The following PAH variants were observed in gnomAD, a reference collection of about 807,000 sequenced individuals.
The protein encoded by PAH is phenylalanine-4-hydroxylase.
PAH carries 64 observed loss-of-function variants against 62.0 expected under a neutral mutation model. That is an observed-to-expected ratio of 1.03 (90% CI 0.84 to 1.27). The LOEUF is 1.27. Among genes scored for constraint, PAH ranks in the 50% most tolerant of loss-of-function variants. The probability of loss-of-function intolerance (pLI) is 0.00; values close to 1 mark genes in which losing one functional copy is unlikely to be tolerated. For synonymous variants in PAH, 195 were observed against 196.2 expected, an observed-to-expected ratio of 0.99 and a Z score of 0.05; for missense variants, 579 against 542.8, an observed-to-expected ratio of 1.07 and a Z score of -0.66.
At chr12:102,915,742 A>G (rs940233592) in intron 1 of PAH, among the ~76,000 whole-genome samples, 1 of 152,220 alleles carries the variant, frequency 6.6e-6, no homozygotes, top group Non-Finnish European at 1.5e-5. Flanking sequence ...AAGTTGTCTT[A>G]GAATCTGCCA....
At chr12:102,958,113 G>T (rs899869094) in intron 1 of PAH, 17 of 608,814 alleles carry the variant, frequency 2.8e-5, no homozygotes, top group Middle Eastern at 4.8e-4. Flanking sequence ...TTCCGTCAGG[G>T]CTCCCGCTTC....
intron 1 of PAH, among the ~76,000 whole-genome samples, chr12:102,922,345 C>T (rs2136740091): frequency 6.6e-6 from 1 of 152,172 alleles, no homozygotes; most frequent in Non-Finnish European, 1.5e-5. Context: ...AGGTGCGCAC[C>T]ACCATGCCCA....
chr12:102,956,303 T>G (rs1399474681), intron 1 of PAH, among the ~76,000 whole-genome samples: 2 of 152,244 alleles, frequency 1.3e-5, no homozygotes, highest in Non-Finnish European at 2.9e-5. Context: ...TTGCTTGGTC[T>G]GCTTTCTCCG....
chr12:102,938,625 G>C (rs1593001067), intron 1 of PAH, among the ~76,000 whole-genome samples: 1 of 152,244 alleles, frequency 6.6e-6, no homozygotes, highest in Non-Finnish European at 1.5e-5. Context: ...GCCAGTAGCA[G>C]CTCTGCATTT....
chr12:102,917,485 G>A (rs1359948499), upstream of PAH: 11 of 355,572 alleles, frequency 3.1e-5, no homozygotes, highest in East Asian at 6.7e-4. Flanking sequence ...GATTAGACAG[G>A]TTTAGGCACT....
chr12:102,947,288 G>A (rs1879538668), intron 1 of PAH, among the ~76,000 whole-genome samples: 1 of 152,078 alleles, frequency 6.6e-6, no homozygotes, highest in Non-Finnish European at 1.5e-5. Flanking sequence ...CAGGATTTTG[G>A]TTTGACTGTG....
At chr12:102,844,307 TC>T in intron 10 of PAH, 28 bp downstream of exon 10, 1 of 1,466,260 alleles carries the variant, frequency 6.8e-7, no homozygotes, top group Non-Finnish European at 9.6e-7. Context: ...CACTTTTAAA[TC>T]TATCCTTGGT....
chr12:102,938,539 C>G (rs1879181353), intron 1 of PAH, among the ~76,000 whole-genome samples: 1 of 152,194 alleles, frequency 6.6e-6, no homozygotes, highest in African/African-American at 2.4e-5. Flanking sequence ...AGCCTCACCT[C>G]TGCTTCATAT....
chr12:102,860,351 A>C (rs1015052749), intron 5 of PAH, among the ~76,000 whole-genome samples: 25 of 152,376 alleles, frequency 1.6e-4, no homozygotes, highest in Non-Finnish European at 4.4e-5. Flanking sequence ...AGACAAATGG[A>C]AGAACATTCC....
At chr12:102,921,636 T>C (rs189845829), upstream of PAH, among the ~76,000 whole-genome samples, 131 of 152,336 alleles carry the variant, frequency 8.6e-4, no homozygotes, top group Admixed American at 8.0e-3. Context: ...CTCTCTAGCA[T>C]CTAGATCTAT....
chr12:102,855,662 G>A (rs759493935), intron 5 of PAH, among the ~76,000 whole-genome samples: 12 of 152,100 alleles, frequency 7.9e-5, no homozygotes, highest in Non-Finnish European at 1.5e-4. Flanking sequence ...ACCTGCACGG[G>A]CCAGTCAGGT....
At chr12:102,884,770 A>AT (rs985438719) in intron 3 of PAH, among the ~76,000 whole-genome samples, 2 of 152,020 alleles carry the variant, frequency 1.3e-5, no homozygotes, top group African/African-American at 2.4e-5. Flanking sequence ...GGCTCTTCTG[A>AT]TTTTTCCCAG....
chr12:102,904,597 A>C (rs2136715757), intron 2 of PAH: 1 of 238,732 alleles, frequency 4.2e-6, no homozygotes, highest in African/African-American at 2.3e-5. Flanking sequence ...CTACTATCAT[A>C]CAGATTTTGA....
intron 3 of PAH, among the ~76,000 whole-genome samples, chr12:102,887,794 A>G (rs1376577224): frequency 6.6e-6 from 1 of 152,188 alleles, no homozygotes; most frequent in African/African-American, 2.4e-5. Context: ...CTAGTAGTGT[A>G]CAAAATGGAG....
In PAH at chr12:102,903,707, T is replaced by C. The variant is rs188817355; in HGVS notation, c.169-8789A>G. On this transcript the variant is annotated intron_variant, in intron 2 of 12. Coordinates refer to ENST00000553106, the MANE Select transcript of PAH (RefSeq NM_000277.3). The stretch of plus-strand genomic sequence containing the variant: ...CTGAAGCAGTTTTTGTCTCTAAGTG[T>C]CTAGCTCCTGGAAGCTTGTTTAGTC... Among the ~76,000 whole-genome samples the C allele has an allele frequency of 2.3e-3, 346 of 152,334 alleles. 3 individuals are homozygous for C. Among genetic ancestry groups the C allele is most frequent in the Non-Finnish European group, 5.4e-4 (37 of 68,032 alleles).
chr12:102,934,093 A>AT (rs1042945020), intron 1 of PAH, among the ~76,000 whole-genome samples: 50 of 151,930 alleles, frequency 3.3e-4, no homozygotes, highest in African/African-American at 1.1e-3. Flanking sequence ...TTTTGATTTG[A>AT]TTTTTTAATA....
At chr12:102,854,132 G>C (rs1448430155) in intron 6 of PAH, among the ~76,000 whole-genome samples, 1 of 152,068 alleles carries the variant, frequency 6.6e-6, no homozygotes, top group Admixed American at 6.6e-5. Flanking sequence ...CACTCTGCTT[G>C]GACCCTTACT....
At chr12:102,958,064 C>A in intron 1 of PAH, 1 of 443,830 alleles carries the variant, frequency 2.3e-6, no homozygotes, top group South Asian at 8.4e-5. Flanking sequence ...TGCTCCCACT[C>A]TAAGAAGTCT....
chr12:102,915,705 C>G (rs887360652), intron 1 of PAH, among the ~76,000 whole-genome samples: 2 of 152,158 alleles, frequency 1.3e-5, no homozygotes, highest in Non-Finnish European at 2.9e-5. Flanking sequence ...ATGCAGTTCC[C>G]TGGGCTTTAC....
Sources: allele counts gnomAD v4.1 joint callset (sites outside exome capture counted in the v4.1 genomes callset), GRCh38; gene constraint gnomAD v4.1.1; transcripts MANE v1.5; gene names NCBI Gene and HGNC (gene_info 2026-07-23, HGNC 2026-07-21).